IGSF9B: variants seen among roughly 807,000 people sequenced by gnomAD.
The protein encoded by IGSF9B is protein turtle homolog B.
Under a neutral mutation model 143.7 loss-of-function variants are expected in IGSF9B, and 48 were observed. The ratio of observed to expected loss-of-function variants is 0.33; its 90% CI spans 0.26 to 0.42. The LOEUF is 0.42. Ranked by LOEUF, IGSF9B falls within the 20% of genes least tolerant of loss-of-function variation. The pLI is 1.00. For synonymous variants in IGSF9B, 903 were observed against 833.1 expected, an observed-to-expected ratio of 1.08 and a Z score of -1.44; for missense variants, 1,706 against 1,980.0, an observed-to-expected ratio of 0.86 and a Z score of 2.63.
At chr11:133,924,934 C>T (rs542528280) in intron 14 of IGSF9B, 30 bp from the exon 15 acceptor site, 2 of 1,594,864 alleles carry the variant, frequency 1.3e-6, no homozygotes, top group African/African-American at 1.3e-5. Context: ...ACCCAGTCAG[C>T]CGAGGGACCT....
chr11:133,911,844 G>A, intron 19 of IGSF9B, 42 bp downstream of exon 19: 1 of 1,469,646 alleles, frequency 6.8e-7, no homozygotes, highest in East Asian at 2.5e-5. Context: ...CAACGGCAAG[G>A]CAAGGTGGGA....
intron 11 of IGSF9B, among the ~76,000 whole-genome samples, chr11:133,930,688 C>T (rs1039442314): frequency 2.6e-5 from 4 of 152,234 alleles, no homozygotes; most frequent in African/African-American, 9.6e-5. Context: ...AAACTCAAGG[C>T]TCTGCAGTCC....
intron 18 of IGSF9B, chr11:133,918,949 G>C: frequency 2.1e-6 from 1 of 466,618 alleles, no homozygotes; most frequent in Non-Finnish European, 4.4e-6. Context: ...GAGGGGCAGG[G>C]GGAGGAGGAG....
In IGSF9B at chr11:133,921,296, C is replaced by T. The variant is rs1454510637; in HGVS notation, c.2429G>A (p.Ser810Asn). ...CGACAGCTCCTTCTCACGGGTGGGGCTCAGCATCCTCTTGGCCGCGGGCTG... is the reference window on the plus strand; with the variant it reads ...CGACAGCTCCTTCTCACGGGTGGGGTTCAGCATCCTCTTGGCCGCGGGCTG... Reference protein sequence around the residue: ...QGQPAAKRMLSPTREKELSLY... With the variant: ...QGQPAAKRMLNPTREKELSLY... Residue 810 changes from serine to asparagine, a missense_variant, in exon 18 of 20, where the codon AGC becomes AAC. Physicochemically the swap from Ser to Asn is conservative, Grantham distance 46 (BLOSUM62 1). Transcript: ENST00000533871. 2 of 1,609,926 alleles carry T rather than the reference C, an allele frequency of 1.2e-6. No homozygotes were observed. The highest frequency in any genetic ancestry group is 1.7e-6 in the Non-Finnish European group (2 of 1,178,016).
rs1939527726 is a variant in IGSF9B at position 133,921,165 on chromosome 11, G to T, written c.2560C>A (p.Pro854Thr). Residue 854 changes from proline (P) to threonine (T), a missense_variant, in exon 18 of 20, where the codon CCT (proline) becomes ACT (threonine). Physicochemically the swap from Pro to Thr is conservative, Grantham distance 38. Coordinates refer to ENST00000533871, the MANE Select transcript of IGSF9B (RefSeq NM_001277285.4). ...TTPIELISRG[P>T]DGRFVMDPAE... ...GGGTCCATCACGAAGCGGCCGTCAG[G>T]GCCTCTGCTGATGAGCTCGATGGGC... 2 of 1,611,732 alleles carry T rather than the reference G, an allele frequency of 1.2e-6. No individual in the cohort carries two copies. The highest frequency in any genetic ancestry group is 3.3e-5 in the Admixed American group (2 of 59,996).
intron 1 of IGSF9B, chr11:133,952,003 G>A (rs1488791938): frequency 4.4e-6 from 2 of 453,070 alleles, no homozygotes; most frequent in African/African-American, 4.0e-5. Flanking sequence ...CGACCAGGAG[G>A]GAGGCAAGGG....
chr11:133,917,117 C>T (rs1258619967), intron 18 of IGSF9B, among the ~76,000 whole-genome samples: 1 of 152,162 alleles, frequency 6.6e-6, no homozygotes, highest in African/African-American at 2.4e-5. Context: ...GGGGAAGGCA[C>T]CTGTCTCCTT....
At position 133,946,254 on chromosome 11, in the gene IGSF9B, G is replaced by A. The variant is rs1158737465; in HGVS notation, c.69C>T (p.Ala23=). 3 of 1,613,006 alleles carry A rather than the reference G, an allele frequency of 1.9e-6. No individual in the cohort carries two copies. Among genetic ancestry groups the A allele is most frequent in the South Asian group, 2.2e-5 (2 of 90,852 alleles). The part of the protein sequence containing the change: ...IGTRGLAAEG[A]HGLREEPEFV... Reference sequence around the variant, plus strand: ...ACTCGGGCTCCTCTCGCAGGCCGTGGGCGCCTGATGGGGACGGCCAGGTTG... The same window carrying A: ...ACTCGGGCTCCTCTCGCAGGCCGTGAGCGCCTGATGGGGACGGCCAGGTTG... Residue 23 remains alanine (A), a synonymous_variant, in exon 2 of 20, where the codon GCC becomes GCT. Transcript: ENST00000533871.
In IGSF9B at chr11:133,908,150, C is replaced by T. The variant is rs914244037; in HGVS notation, c.*919G>A. ...CTGGGCGGAAGGGCGCCGACGGATG[C>T]GCTGGACATGTGCACCAGAGGCTTG... is the stretch of plus-strand genomic sequence containing the variant. On this transcript the variant is annotated 3_prime_UTR_variant, in exon 20 of 20. Coordinates refer to ENST00000533871, the MANE Select transcript of IGSF9B (RefSeq NM_001277285.4). Among the ~76,000 whole-genome samples the T allele has an allele frequency of 6.6e-5, 10 of 152,198 alleles. No homozygotes were observed. Among genetic ancestry groups the T allele is most frequent in the South Asian group, 2.1e-4 (1 of 4,838 alleles).
At chr11:133,952,117 G>A (rs1188578884) in intron 1 of IGSF9B, 5 of 448,896 alleles carry the variant, frequency 1.1e-5, no homozygotes, top group African/African-American at 1.0e-4. Context: ...TCTTTCTCCA[G>A]AGCCCTCTTG....
rs968277294 is a variant in IGSF9B, at chr11:133,913,170, G to A, written c.3984-1163C>T. On this transcript the variant is annotated intron_variant, in intron 18 of 19. Transcript: ENST00000533871. The surrounding 1 kb of genome is among the most constrained non-coding windows in gnomAD (Gnocchi z 4.6). ...GCAGGGACGCTCTGGGGCCACGGCG[G>A]ACAGGCGTGCCTCGCTCTTCTTCTC... Among the ~76,000 whole-genome samples, 2 of 152,168 alleles carry A rather than the reference G, an allele frequency of 1.3e-5. No homozygotes were observed. Among genetic ancestry groups the A allele is most frequent in the African/African-American group, 4.8e-5 (2 of 41,436 alleles).
intron 14 of IGSF9B, among the ~76,000 whole-genome samples, chr11:133,925,238 T>C (rs1362101658): frequency 6.6e-6 from 1 of 152,234 alleles, no homozygotes; most frequent in Admixed American, 6.5e-5. Flanking sequence ...TAGATGAGAC[T>C]GTATCTTAGG....
intron 1 of IGSF9B, among the ~76,000 whole-genome samples, chr11:133,956,336 A>T (rs1940251664): frequency 6.6e-6 from 1 of 152,092 alleles, no homozygotes; most frequent in South Asian, 2.1e-4. Flanking sequence ...AGTTTCCCGC[A>T]GCTCTGGGAG....
In IGSF9B at chr11:133,931,387, C is replaced by G; in HGVS notation, c.1368+66G>C. On this transcript the variant is annotated intron_variant, in intron 10 of 19. Coordinates refer to ENST00000533871, the MANE Select transcript of IGSF9B (RefSeq NM_001277285.4). The surrounding 1 kb of genome is among the most constrained non-coding windows in gnomAD (Gnocchi z 7.7). ...GGCTCGCTGGGCCCTCAAACCTCCCCGCAGCCCCAGGGCTCCCTGGGCCCT... is the reference window on the plus strand; with the variant it reads ...GGCTCGCTGGGCCCTCAAACCTCCCGGCAGCCCCAGGGCTCCCTGGGCCCT... The G allele has an allele frequency of 4.1e-6, 5 of 1,221,842 alleles. No individual in the cohort carries two copies. The highest frequency in any genetic ancestry group is 5.9e-6 in the Non-Finnish European group (5 of 851,046). The allele number at this position is 1,221,842 out of a possible 1,614,324, so 75.7% of individuals were successfully genotyped here. A position where few individuals can be genotyped will look rare whatever the true frequency, so the allele number is the denominator to read the frequency against.
intron 3 of IGSF9B, among the ~76,000 whole-genome samples, chr11:133,942,345 G>T (rs1461916556): frequency 1.3e-5 from 2 of 152,172 alleles, no homozygotes; most frequent in African/African-American, 4.8e-5. Flanking sequence ...GAGCCACACA[G>T]CTAGTACACA....
rs780926988 is a variant in IGSF9B at position 133,920,350 on chromosome 11, A to T, written c.3375T>A (p.Pro1125=). 6.2e-7 allele frequency: 1 copy of T among 1,602,762 alleles called. No individual in the cohort carries two copies. Among genetic ancestry groups the T allele is most frequent in the African/African-American group, 1.3e-5 (1 of 74,376 alleles). ...APPAAKWQDR[P]MQPLVSQGQL... ...GCCCTTGGCTTACCAGAGGTTGCAT[A>T]GGTCTGTCCTGCCACTTGGCGGCGG... is the stretch of plus-strand genomic sequence containing the variant. The change falls in exon 18 of 20, where the codon CCT becomes CCA. Residue 1125 remains proline, a synonymous_variant. Coordinates refer to ENST00000533871, the MANE Select transcript of IGSF9B (RefSeq NM_001277285.4).
In IGSF9B at chr11:133,945,433, CA is replaced by C. The variant is rs1293631434; in HGVS notation, c.262+627del. On this transcript the variant is annotated intron_variant, in intron 2 of 19. Transcript: ENST00000533871. The surrounding 1 kb of genome is among the most constrained non-coding windows in gnomAD (Gnocchi z 4.6). ...CCCTGCCTGCTTCCTCCCTTCCTTT[CA>C]ACCCCAACAACGCTCGCTCAATGAC... Among the ~76,000 whole-genome samples the C allele has an allele frequency of 6.6e-6, 1 of 152,202 alleles. No individual in the cohort carries two copies. Among genetic ancestry groups the C allele is most frequent in the East Asian group, 1.9e-4 (1 of 5,176 alleles).
chr11:133,916,715 T>C (rs1441082163), intron 18 of IGSF9B, among the ~76,000 whole-genome samples: 2 of 151,730 alleles, frequency 1.3e-5, no homozygotes, highest in African/African-American at 4.8e-5. Context: ...TGGAGTTGAG[T>C]GAAGGGGTGA....
rs956239026 is a variant in IGSF9B, at chr11:133,908,363, G to A, written c.*706C>T. On this transcript the variant is annotated 3_prime_UTR_variant, in exon 20 of 20. Coordinates refer to ENST00000533871, the MANE Select transcript of IGSF9B (RefSeq NM_001277285.4). ...GAAGGCAGCCGGTAATCACAGCAAG[G>A]CCCCATTTCTGCTCTGGGTGGGAGA... Among the ~76,000 whole-genome samples, 3 of 152,126 alleles carry A rather than the reference G, an allele frequency of 2.0e-5. No individual in the cohort carries two copies. In the East Asian group the frequency reaches 5.8e-4, roughly 30 times the overall value.
Sources: gnomAD v4.1 joint callset for allele counts (sites outside exome capture counted in the v4.1 genomes callset) on GRCh38, gnomAD v4.1.1 for gene constraint, Gnocchi (gnomAD v3.1) non-coding constraint, MANE v1.5 for transcripts, NCBI Gene and HGNC (gene_info 2026-07-23, HGNC 2026-07-21) for gene names.